PLAAT1: variants seen among roughly 807,000 people sequenced by gnomAD.
The protein encoded by PLAAT1 is H-REV107 protein-related protein.
PLAAT1 carries 13 observed loss-of-function variants against 16.4 expected under a neutral mutation model. That is an observed-to-expected ratio of 0.79 (90% confidence interval 0.52 to 1.26). The LOEUF is 1.26. Among genes scored for constraint, PLAAT1 ranks in the 50% most tolerant of loss-of-function variants. PLAAT1 has a pLI of 0.00. For missense variants in PLAAT1, 218 were observed against 207.8 expected (o/e 1.05, Z -0.30); for synonymous variants, 73 against 78.4 (o/e 0.93, Z 0.36).
At chr3:193,267,824 G>A (rs1194964530) in intron 3 of PLAAT1, among the ~76,000 whole-genome samples, 2 of 152,144 alleles carry the variant, frequency 1.3e-5, no homozygotes, top group African/African-American at 4.8e-5. Flanking sequence ...TTCACATTTT[G>A]CACTCTCAGC....
At chr3:193,247,136 G>T (rs999024853) in intron 1 of PLAAT1, among the ~76,000 whole-genome samples, 1 of 152,068 alleles carries the variant, frequency 6.6e-6, no homozygotes, top group East Asian at 1.9e-4. Context: ...CAATTTCTTG[G>T]TATTTAGCTG....
At chr3:193,278,446 A>G (rs1717325744), downstream of PLAAT1, among the ~76,000 whole-genome samples, 2 of 152,104 alleles carry the variant, frequency 1.3e-5, no homozygotes, top group Non-Finnish European at 2.9e-5. Context: ...TTCATACTCC[A>G]CAGCACATGG....
In PLAAT1 at chr3:193,241,248, C is replaced by G; in HGVS notation, c.-286C>G. On this transcript the variant is annotated 5_prime_UTR_variant, in exon 1 of 4. Coordinates refer to ENST00000264735, the MANE Select transcript of PLAAT1 (RefSeq NM_020386.5). Reference sequence around the variant, plus strand: ...TCAGAGCCTCGTGCCGGCTCGGCAGCGCCCGGACGCCGAGCCCAGCGCGTC... The same window carrying G: ...TCAGAGCCTCGTGCCGGCTCGGCAGGGCCCGGACGCCGAGCCCAGCGCGTC... 1 of 1,226,360 alleles carries G rather than the reference C, an allele frequency of 8.2e-7. No homozygotes were observed. The highest frequency in any genetic ancestry group is 1.0e-6 in the Non-Finnish European group (1 of 984,574). The allele number at this position is 1,226,360 out of a possible 1,614,324, so 76.0% of individuals were successfully genotyped here.
In PLAAT1 at chr3:193,263,007, A is replaced by G. The variant is rs1286632973; in HGVS notation, c.177A>G (p.Val59=). 3.1e-6 allele frequency: 5 copies of G among 1,614,190 alleles called. 1 individual carries two copies. In the South Asian group the frequency reaches 5.5e-5, roughly 18 times the overall value. ...IPASFTSAKS[V]FSSKALVKMQ... ...CGTCCTTTACAAGCGCCAAGTCTGT[A>G]TTCAGCAGTAAGGCCCTGGTGAAAA... The change falls in exon 3 of 4, where the codon GTA becomes GTG. Residue 59 remains valine (V), a synonymous_variant. Transcript: ENST00000264735.
chr3:193,240,962 G>C (rs1431790766), upstream of PLAAT1, among the ~76,000 whole-genome samples: 3 of 152,166 alleles, frequency 2.0e-5, no homozygotes, highest in Non-Finnish European at 4.4e-5. Flanking sequence ...AGCGCCTGGT[G>C]CCCTAAACGT....
At chr3:193,267,446 C>G (rs1332790875) in intron 3 of PLAAT1, among the ~76,000 whole-genome samples, 1 of 151,866 alleles carries the variant, frequency 6.6e-6, no homozygotes, top group Non-Finnish European at 1.5e-5. Flanking sequence ...TATCATGTTG[C>G]TGAAATCATG....
At position 193,241,292 on chromosome 3, in the gene PLAAT1, C is replaced by A; in HGVS notation, c.-242C>A. 2 of 1,230,652 alleles carry A rather than the reference C, an allele frequency of 1.6e-6. No individual in the cohort carries two copies. The highest frequency in any genetic ancestry group is 2.0e-6 in the Non-Finnish European group (2 of 987,282). 76.2% of individuals were successfully genotyped at this position (1,230,652 alleles called of 1,614,324 possible). On this transcript the variant is annotated 5_prime_UTR_variant, in exon 1 of 4. Coordinates refer to ENST00000264735, the MANE Select transcript of PLAAT1 (RefSeq NM_020386.5). ...GCGCGTCGGCCCCCCGGCGTGCGGGCGTCTCAGAGCCGCGGAGGGGCCGCC... is the reference window on the plus strand; with the variant it reads ...GCGCGTCGGCCCCCCGGCGTGCGGGAGTCTCAGAGCCGCGGAGGGGCCGCC...
chr3:193,253,868 T>A (rs1023808113), intron 1 of PLAAT1, among the ~76,000 whole-genome samples: 6 of 152,128 alleles, frequency 3.9e-5, no homozygotes, highest in African/African-American at 1.4e-4. Context: ...TTTTTTTCAA[T>A]TAAATAGGGT....
intron 1 of PLAAT1, among the ~76,000 whole-genome samples, chr3:193,244,468 G>GT (rs550328718): frequency 0.095 from 13,460 of 141,886 alleles, 737 homozygotes; most frequent in African/African-American, 0.15. Context: ...ATCTCATTTT[G>GT]TTTTTTTTTT....
chr3:193,270,534 AAG>A, intron 3 of PLAAT1, 68 bp from the exon 4 acceptor site: 1 of 1,461,592 alleles, frequency 6.8e-7, no homozygotes, highest in South Asian at 1.3e-5. Flanking sequence ...AAACAGGCTA[AAG>A]CTTCATTTAG....
At chr3:193,264,558 C>T (rs1716709999) in intron 3 of PLAAT1, among the ~76,000 whole-genome samples, 1 of 151,378 alleles carries the variant, frequency 6.6e-6, no homozygotes, top group Admixed American at 6.6e-5. Context: ...GGCTGGAGTG[C>T]AGTGGCACGA....
downstream of PLAAT1, among the ~76,000 whole-genome samples, chr3:193,272,322 A>G (rs1265381985): frequency 2.0e-5 from 3 of 152,162 alleles, no homozygotes; most frequent in Non-Finnish European, 4.4e-5. Flanking sequence ...GGGCGCCTAC[A>G]GTCCCAGCTA....
At chr3:193,246,224 T>A (rs1260087920) in intron 1 of PLAAT1, among the ~76,000 whole-genome samples, 1 of 152,208 alleles carries the variant, frequency 6.6e-6, no homozygotes, top group Non-Finnish European at 1.5e-5. Context: ...TTAAGGTACA[T>A]TCTTTCTATG....
downstream of PLAAT1, among the ~76,000 whole-genome samples, chr3:193,273,572 G>A (rs1717057815): frequency 6.6e-6 from 1 of 152,126 alleles, no homozygotes; most frequent in African/African-American, 2.4e-5. Context: ...ATGGTATTAG[G>A]TACATAATTG....
rs1483806311 is a variant in PLAAT1, at chr3:193,259,106, A to G, written c.139+3317A>G. Among the ~76,000 whole-genome samples, 3 of 152,332 alleles carry G rather than the reference A, an allele frequency of 2.0e-5. 1 individual carries two copies. The highest frequency in any genetic ancestry group is 4.1e-4 in the South Asian group (2 of 4,824). ...AGATTGGTTCGACATACACAAATCC[A>G]TAAATATGATTCACCACATAAACCA... On this transcript the variant is annotated intron_variant, in intron 2 of 3. Coordinates refer to ENST00000264735, the MANE Select transcript of PLAAT1 (RefSeq NM_020386.5).
chr3:193,275,251 C>T, downstream of PLAAT1: 1 of 1,614,038 alleles, frequency 6.2e-7, no homozygotes, highest in South Asian at 1.1e-5. Flanking sequence ...GAGTAGAATC[C>T]AAATTCTCTT....
At chr3:193,266,877 T>G (rs1422762943) in intron 3 of PLAAT1, among the ~76,000 whole-genome samples, 2 of 152,118 alleles carry the variant, frequency 1.3e-5, no homozygotes, top group African/African-American at 4.8e-5. Context: ...ATTAGATTAG[T>G]TTTTTGAATC....
downstream of PLAAT1, among the ~76,000 whole-genome samples, chr3:193,273,641 C>T (rs113618992): frequency 6.6e-5 from 10 of 152,088 alleles, no homozygotes; most frequent in African/African-American, 2.4e-4. Context: ...TTAGCAAAAT[C>T]AGATTTATCG....
At chr3:193,248,920 A>C (rs1016831021) in intron 1 of PLAAT1, among the ~76,000 whole-genome samples, 1 of 152,060 alleles carries the variant, frequency 6.6e-6, no homozygotes. Flanking sequence ...ATGTATTTCC[A>C]TGTTGCTACT....
Sources: allele counts gnomAD v4.1 joint callset (sites outside exome capture counted in the v4.1 genomes callset), GRCh38; gene constraint gnomAD v4.1.1; transcripts MANE v1.5; gene names NCBI Gene and HGNC (gene_info 2026-07-23, HGNC 2026-07-21).